The following SALL1 variants were observed in gnomAD, a reference collection of about 807,000 sequenced individuals.
SALL1 encodes sal-like protein 1.
A neutral mutation model predicts 73.1 loss-of-function variants in SALL1; 10 were observed. The ratio of observed to expected loss-of-function variants is 0.14; its 90% CI spans 0.08 to 0.23. SALL1 has a LOEUF of 0.23. Ranked by LOEUF, SALL1 falls within the 10% of genes least tolerant of loss-of-function variation. The pLI, the probability that SALL1 is intolerant of heterozygous loss-of-function variation, is 1.00. For synonymous variants in SALL1, 688 were observed against 689.8 expected, an observed-to-expected ratio of 1.00 and a Z score of 0.04; for missense variants, 1,520 against 1,697.3, an observed-to-expected ratio of 0.90 and a Z score of 1.84.
At position 51,138,648 on chromosome 16, in the gene SALL1, G is replaced by C. The variant is rs7184489; in HGVS notation, c.3534+40C>G. On this transcript the variant is annotated intron_variant, in intron 2 of 2. Coordinates refer to ENST00000251020, the MANE Select transcript of SALL1 (RefSeq NM_002968.3). ...ATAGATAATCAATGGCAGTGGGACA[G>C]GGTTGATGGAGCAGGTATGGTGCAG... 5.7e-3 allele frequency: 9,077 copies of C among 1,586,608 alleles called. 231 individuals carry two copies. In the African/African-American group the frequency reaches 0.067, roughly 12 times the overall value.
chr16:51,144,485 C>A (rs1962487151), intron 1 of SALL1, among the ~76,000 whole-genome samples: 1 of 152,152 alleles, frequency 6.6e-6, no homozygotes, highest in Non-Finnish European at 1.5e-5. Flanking sequence ...CAAATAATGA[C>A]AGATTCAGAA....
Position 51,140,716 on chromosome 16 carries a change from T to C in SALL1, c.1506A>G (p.Lys502=), listed in dbSNP as rs1300816207. 2 of 1,614,048 alleles carry C rather than the reference T, an allele frequency of 1.2e-6. No individual in the cohort carries two copies. The highest frequency in any genetic ancestry group is 1.7e-6 in the Non-Finnish European group (2 of 1,180,028). ...AGGGGTTCATCTGGATATGAGGGTATTTCTCTTTGTGGCGCTGAAAGTGGA... is the reference window on the plus strand; with the variant it reads ...AGGGGTTCATCTGGATATGAGGGTACTTCTCTTTGTGGCGCTGAAAGTGGA... ...LKVHFQRHKE[K]YPHIQMNPYP... is the part of the protein sequence containing the mutation. Residue 502 remains lysine, a synonymous_variant, in exon 2 of 3, where the codon AAA becomes AAG. Coordinates refer to ENST00000251020, the MANE Select transcript of SALL1 (RefSeq NM_002968.3). The surrounding 1 kb of genome is among the most constrained non-coding windows in gnomAD (Gnocchi z 5.7).
At chr16:51,150,739 G>C (rs1962585607) in intron 1 of SALL1, 1 of 349,676 alleles carries the variant, frequency 2.9e-6, no homozygotes, top group Admixed American at 6.3e-5. Context: ...GGCGGAGGCC[G>C]GGCCGGGTGC....
chr16:51,141,523 G>A lies in SALL1; in HGVS notation c.699C>T (p.Leu233=), dbSNP rs1962429435. ...GGATCTGCTGCTGCTGCAGAGCTAGGAGTTGTTCCATGAGGGCTGGGACGG... is the reference window on the plus strand; with the variant it reads ...GGATCTGCTGCTGCTGCAGAGCTAGAAGTTGTTCCATGAGGGCTGGGACGG... ...KLAVPALMEQ[L]LALQQQQIHQ... The change falls in exon 2 of 3, where the codon CTC becomes CTT. Residue 233 remains leucine, a synonymous_variant. Transcript: ENST00000251020. The surrounding 1 kb of genome is among the most constrained non-coding windows in gnomAD (Gnocchi z 5.4). 2 of 1,614,108 alleles carry A rather than the reference G, an allele frequency of 1.2e-6. No homozygotes were observed. Among genetic ancestry groups the A allele is most frequent in the South Asian group, 2.2e-5 (2 of 91,072 alleles).
At position 51,139,435 on chromosome 16, in the gene SALL1, C is replaced by A; in HGVS notation, c.2787G>T (p.Leu929=). 8 of 1,614,194 alleles carry A rather than the reference C, an allele frequency of 5.0e-6. No homozygotes were observed. Among genetic ancestry groups the A allele is most frequent in the Non-Finnish European group, 6.8e-6 (8 of 1,180,036 alleles). ...ACTCCTGCGTGCTGTTGGACGGGGA[C>A]AGAGCCTGCATGGAAGAGGTAGACT... is the stretch of plus-strand genomic sequence containing the variant. ...ISESTSSMQA[L]SPSNSTQEFH... The change falls in exon 2 of 3, where the codon CTG becomes CTT. Residue 929 remains leucine, a synonymous_variant. Transcript: ENST00000251020.
rs1962596484 is a variant in SALL1 at position 51,151,166 on chromosome 16, C to A, written c.76G>T (p.Gly26Ter). 2 of 1,594,874 alleles carry A rather than the reference C, an allele frequency of 1.3e-6. No homozygotes were observed. The highest frequency in any genetic ancestry group is 1.1e-5 in the South Asian group (1 of 87,328). Residue 26 changes from glycine to a stop codon, truncating the protein, a stop_gained and splice_region_variant, in exon 1 of 3, where the codon GGA (glycine) becomes TGA (stop). Transcript: ENST00000251020. LOFTEE classifies it high-confidence loss of function. Reference protein sequence around the residue: ...PEVASLPRRDGDTEKGQPSRP... With the variant: ...PEVASLPRRD ...CCACGGCGCGGGCCGGAGCACTCAC[C>A]ATCTCGCCGGGGGAGCGAGGCCACT... is the stretch of plus-strand genomic sequence containing the variant.
Position 51,142,971 on chromosome 16 carries a change from C to G in SALL1, c.77-826G>C, listed in dbSNP as rs576301696. 5.5e-4 allele frequency among the ~76,000 whole-genome samples: 84 copies of G among 151,950 alleles called. 1 individual carries two copies. The South Asian group carries it at 0.016, about 30-fold the overall frequency. On this transcript the variant is annotated intron_variant, in intron 1 of 2. Coordinates refer to ENST00000251020, the MANE Select transcript of SALL1 (RefSeq NM_002968.3). ...TGCTCCGAATGGCAACATTATGCCT[C>G]TAAATATTTCATCAAAAGTGCTCTC...
At position 51,141,701 on chromosome 16, in the gene SALL1, G is replaced by A. The variant is rs777326702; in HGVS notation, c.521C>T (p.Thr174Ile). 1.2e-6 allele frequency: 2 copies of A among 1,613,578 alleles called. No homozygotes were observed. The highest frequency in any genetic ancestry group is 4.5e-5 in the East Asian group (2 of 44,842). The change falls in exon 2 of 3, where the codon ACC (threonine) becomes ATC (isoleucine). Residue 174 changes from threonine (T) to isoleucine (I), a missense_variant. By Grantham distance (89) the Thr-to-Ile change is moderately conservative. Transcript: ENST00000251020. The surrounding 1 kb of genome is among the most constrained non-coding windows in gnomAD (Gnocchi z 5.4). Reference protein sequence around the residue: ...SSSTGTSAITTSLPQLGDLTT... With the variant: ...SSSTGTSAITISLPQLGDLTT... ...CAGGTCCCCGAGTTGAGGTAGAGAG[G>A]TTGTGATCGCTGAGGTACCTGTGGA...
chr16:51,151,716 T>G (rs1406607309), upstream of SALL1, among the ~76,000 whole-genome samples: 1 of 148,802 alleles, frequency 6.7e-6, no homozygotes, highest in African/African-American at 2.5e-5. Flanking sequence ...GCTCTCTCCC[T>G]CTCCCCTCCC....
At chr16:51,147,748 A>G (rs1962539001) in intron 1 of SALL1, among the ~76,000 whole-genome samples, 1 of 149,852 alleles carries the variant, frequency 6.7e-6, no homozygotes, top group Non-Finnish European at 1.5e-5. Context: ...AAGTTACAGG[A>G]ATCTTAAAAA....
Position 51,141,116 on chromosome 16 carries a change from G to A in SALL1, c.1106C>T (p.Ala369Val), listed in dbSNP as rs772074219. Residue 369 changes from alanine (A) to valine (V), a missense_variant, in exon 2 of 3, where the codon GCG (alanine) becomes GTG (valine). Physicochemically the swap from Ala to Val is moderately conservative, Grantham distance 64. This residue lies in a region of SALL1 where 540 missense variants were observed against 567.5 expected (regional missense o/e 0.95). Transcript: ENST00000251020. The surrounding 1 kb of genome is among the most constrained non-coding windows in gnomAD (Gnocchi z 5.4). ...SAGASHVSNP[A>V]VSSSSSPAFA... is the part of the protein sequence containing the mutation. ...AGCTGGTGAGGACGATGATGAGACCGCTGGGTTGCTGACATGGGAGGCCCC... is the reference window on the plus strand; with the variant it reads ...AGCTGGTGAGGACGATGATGAGACCACTGGGTTGCTGACATGGGAGGCCCC... The A allele has an allele frequency of 3.2e-5, 52 of 1,614,100 alleles. No individual in the cohort carries two copies. Among genetic ancestry groups the A allele is most frequent in the East Asian group, 4.5e-5 (2 of 44,898 alleles).
chr16:51,141,744 C>CGCTGCTGCTGCTGTT lies in SALL1; in HGVS notation c.477_478insAACAGCAGCAGCAGC (p.Ser159_Gly160insAsnSerSerSerSer). On this transcript the variant is annotated inframe_insertion, in exon 2 of 3. Transcript: ENST00000251020. This position sits in a 1 kb window ranked among gnomAD's most constrained non-coding sequence, Gnocchi z 5.4. The stretch of plus-strand genomic sequence containing the variant: ...CCTGTGGAGGAGCTGCCGCCGCCGC[C>CGCTGCTGCTGCTGTT]GCTGCTGCTGCTGCTGCTGCTGCTG... 1 of 1,579,896 alleles carries CGCTGCTGCTGCTGTT rather than the reference C, an allele frequency of 6.3e-7. No homozygotes were observed. The highest frequency in any genetic ancestry group is 8.6e-7 in the Non-Finnish European group (1 of 1,156,210).
intron 1 of SALL1, among the ~76,000 whole-genome samples, chr16:51,147,179 C>T (rs1962529928): frequency 6.6e-6 from 1 of 152,196 alleles, no homozygotes; most frequent in Non-Finnish European, 1.5e-5. Flanking sequence ...GGCACTTGTG[C>T]CAATGAACTC....
At chr16:51,142,628 AG>A (rs1176399247) in intron 1 of SALL1, among the ~76,000 whole-genome samples, 2 of 152,132 alleles carry the variant, frequency 1.3e-5, no homozygotes, top group African/African-American at 2.4e-5. Context: ...GTTGTTGACA[AG>A]GGGGAAAAAA....
At position 51,141,221 on chromosome 16, in the gene SALL1, T is replaced by C; in HGVS notation, c.1001A>G (p.Asn334Ser). ...GTTCATATTGGGAGAAGAGCCGCTG[T>C]TGGATGGAATGATGGTGTTGCCAGA... ...SSSGNTIIPS[N>S]SGSSPNMNIL... Residue 334 changes from asparagine to serine, a missense_variant, in exon 2 of 3, where the codon AAC becomes AGC. By Grantham distance (46) the Asn-to-Ser change is conservative (BLOSUM62 1). Coordinates refer to ENST00000251020, the MANE Select transcript of SALL1 (RefSeq NM_002968.3). This position sits in a 1 kb window ranked among gnomAD's most constrained non-coding sequence, Gnocchi z 5.4. 1 of 1,614,058 alleles carries C rather than the reference T, an allele frequency of 6.2e-7. No individual in the cohort carries two copies. Among genetic ancestry groups the C allele is most frequent in the South Asian group, 1.1e-5 (1 of 91,076 alleles).
intron 1 of SALL1, among the ~76,000 whole-genome samples, chr16:51,146,667 CA>C (rs754996616): frequency 2.0e-5 from 3 of 152,252 alleles, no homozygotes; most frequent in Non-Finnish European, 2.9e-5. Flanking sequence ...AAGTGACTAG[CA>C]GGATTCAATT....
At chr16:51,151,595 C>T (rs867753870), upstream of SALL1, among the ~76,000 whole-genome samples, 2 of 151,468 alleles carry the variant, frequency 1.3e-5, no homozygotes, top group South Asian at 4.2e-4. Context: ...GCGCGCCGCG[C>T]CGCCCGACAC....
In SALL1 at chr16:51,140,293, G is replaced by T. The variant is rs762127901; in HGVS notation, c.1929C>A (p.Ser643Arg). Residue 643 changes from serine (S) to arginine (R), a missense_variant, in exon 2 of 3, where the codon AGC becomes AGA. Around this residue, in one of 7 missense-constraint regions of SALL1, gnomAD observed 276 missense variants for 259.1 expected, o/e 1.07. Coordinates refer to ENST00000251020, the MANE Select transcript of SALL1 (RefSeq NM_002968.3). The surrounding 1 kb of genome is among the most constrained non-coding windows in gnomAD (Gnocchi z 5.7). The stretch of plus-strand genomic sequence containing the variant: ...CGGGGCCGCAGTCTGCCGCTGGGGA[G>T]CTCAGGACGCTACTGCTCGCCGTCG... ...SVPTASSSVLSSPAADCGPAG... is the reference protein window; with the variant it reads ...SVPTASSSVLRSPAADCGPAG... 3.7e-6 allele frequency: 6 copies of T among 1,614,118 alleles called. No homozygotes were observed. In the East Asian group the frequency reaches 1.1e-4, roughly 30 times the overall value.
In SALL1 at chr16:51,140,573, G is replaced by A; in HGVS notation, c.1649C>T (p.Thr550Ile). ...SWLDTKPVLPTLTTSVGLPLP... is the reference protein window; with the variant it reads ...SWLDTKPVLPILTTSVGLPLP... ...CGGCAGGCCGACTGAAGTGGTCAGA[G>A]TAGGCAGGACTGGTTTGGTGTCTAG... is the stretch of plus-strand genomic sequence containing the variant. Residue 550 changes from threonine (T) to isoleucine (I), a missense_variant, in exon 2 of 3, where the codon ACT becomes ATT. Physicochemically the swap from Thr to Ile is moderately conservative, Grantham distance 89 (BLOSUM62 -1). Coordinates refer to ENST00000251020, the MANE Select transcript of SALL1 (RefSeq NM_002968.3). This position sits in a 1 kb window ranked among gnomAD's most constrained non-coding sequence, Gnocchi z 5.7. 1 of 1,614,116 alleles carries A rather than the reference G, an allele frequency of 6.2e-7. No individual in the cohort carries two copies. The highest frequency in any genetic ancestry group is 8.5e-7 in the Non-Finnish European group (1 of 1,179,992).
Sources: gnomAD v4.1 joint callset for allele counts (sites outside exome capture counted in the v4.1 genomes callset) on GRCh38, gnomAD v4.1.1 for gene constraint, gnomAD v4.1.1 regional missense constraint, Gnocchi (gnomAD v3.1) non-coding constraint, MANE v1.5 for transcripts, NCBI Gene and HGNC (gene_info 2026-07-23, HGNC 2026-07-21) for gene names.